DAPK1: variants seen among roughly 807,000 people sequenced by gnomAD.
DAPK1 encodes death associated protein kinase 1.
DAPK1 carries 56 observed loss-of-function variants against 144.9 expected under a neutral mutation model. The ratio of observed to expected loss-of-function variants is 0.39; its 90% CI spans 0.31 to 0.48. The LOEUF is 0.48. Among genes scored for constraint, DAPK1 ranks in the 20% least tolerant of loss-of-function variants. The probability of loss-of-function intolerance (pLI) is 0.95; values close to 1 mark genes in which losing one functional copy is unlikely to be tolerated. For synonymous variants in DAPK1, 690 were observed against 749.0 expected, an observed-to-expected ratio of 0.92 and a Z score of 1.29; for missense variants, 1,454 against 1,875.4, an observed-to-expected ratio of 0.78 and a Z score of 4.15.
intron 17 of DAPK1, among the ~76,000 whole-genome samples, chr9:87,652,624 C>T (rs553552426): frequency 7.1e-5 from 10 of 141,498 alleles, no homozygotes; most frequent in African/African-American, 2.7e-4. Flanking sequence ...GATTCTGTGT[C>T]CTCCCACCTG....
At chr9:87,618,014 T>C (rs61262631) in intron 3 of DAPK1, among the ~76,000 whole-genome samples, 9,542 of 152,262 alleles carry the variant, frequency 0.063, 417 homozygotes, top group East Asian at 0.12. Context: ...TTCTGAGTCT[T>C]CCCTTATTAC....
At chr9:87,637,357 G>A (rs1829936671) in intron 3 of DAPK1, among the ~76,000 whole-genome samples, 1 of 152,114 alleles carries the variant, frequency 6.6e-6, no homozygotes, top group African/African-American at 2.4e-5. Context: ...CTCCCAAAGT[G>A]CTGGGATTAC....
intron 3 of DAPK1, among the ~76,000 whole-genome samples, chr9:87,633,695 A>G (rs576521421): frequency 1.3e-5 from 2 of 152,254 alleles, no homozygotes; most frequent in South Asian, 4.1e-4. Flanking sequence ...CAAATACTGA[A>G]TAAGGCACGA....
intron 7 of DAPK1, 54 bp downstream of exon 7, chr9:87,639,869 T>A (rs1830036661): frequency 2.5e-6 from 4 of 1,584,708 alleles, no homozygotes; most frequent in Non-Finnish European, 3.5e-6. Flanking sequence ...AGACCATAGG[T>A]TTAATTAACC....
chr9:87,497,984 C>T lies in DAPK1; in HGVS notation c.-232C>T, dbSNP rs2117947110. 1 of 397,292 alleles carries T rather than the reference C, an allele frequency of 2.5e-6. No homozygotes were observed. 24.6% of individuals were successfully genotyped at this position (397,292 alleles called of 1,614,324 possible). On this transcript the variant is annotated 5_prime_UTR_variant, in exon 1 of 26. Transcript: ENST00000408954. ...TCTGGGGCCGGCGCCTGGGAGGGAT[C>T]TGCGCCCCCCACTCACTCCCTAGCT...
At chr9:87,643,629 C>G (rs1050143073) in intron 11 of DAPK1, among the ~76,000 whole-genome samples, 161 bp downstream of exon 11, 6 of 151,878 alleles carry the variant, frequency 4.0e-5, no homozygotes, top group Non-Finnish European at 8.8e-5. Context: ...ATTGATGCAC[C>G]CTCTTGCTTC....
intron 2 of DAPK1, among the ~76,000 whole-genome samples, chr9:87,580,790 C>G (rs965458738): frequency 1.3e-5 from 2 of 152,168 alleles, no homozygotes; most frequent in Non-Finnish European, 2.9e-5. Context: ...ATACGAGTCT[C>G]CCACATAGGA....
intron 2 of DAPK1, among the ~76,000 whole-genome samples, chr9:87,531,258 C>G (rs4878093): frequency 6.6e-6 from 1 of 152,050 alleles, no homozygotes; most frequent in African/African-American, 2.4e-5. Flanking sequence ...TATCCATACC[C>G]GATGTTCACT....
rs1207507873 is a variant in DAPK1, at chr9:87,638,001, G to A, written c.343G>A (p.Glu115Lys). ...LAEKESLTEE[E>K]ATEFLKQILN... is the part of the protein sequence containing the mutation. ...TGAAAAGGAATCTTTAACTGAAGAG[G>A]AAGCAACTGAATTTCTCAAACAAAT... The change falls in exon 4 of 26, where the codon GAA becomes AAA. Residue 115 changes from glutamate to lysine, a missense_variant. Glu to Lys is a moderately conservative substitution (Grantham distance 56). Around this residue, in one of 2 missense-constraint regions of DAPK1, gnomAD observed 429 missense variants for 637.5 expected, o/e 0.67. Coordinates refer to ENST00000408954, the MANE Select transcript of DAPK1 (RefSeq NM_004938.4). The A allele has an allele frequency of 1.2e-6, 2 of 1,614,138 alleles. No individual in the cohort carries two copies. The highest frequency in any genetic ancestry group is 2.2e-5 in the East Asian group (1 of 44,880).
chr9:87,706,589 G>T lies in DAPK1; in HGVS notation c.3518G>T (p.Gly1173Val), dbSNP rs1457526427. ...GCGGACATCCGCCTGTGGGTGAATG[G>T]CTGCAAGCTGGCCAACCGTGGGGCC... is the stretch of plus-strand genomic sequence containing the variant. Reference protein sequence around the residue: ...GDADIRLWVNGCKLANRGAEL... With the variant: ...GDADIRLWVNVCKLANRGAEL... The change falls in exon 26 of 26, where the codon GGC becomes GTC. Residue 1173 changes from glycine (G) to valine (V), a missense_variant. Physicochemically the swap from Gly to Val is moderately radical, Grantham distance 109. Around this residue, in one of 2 missense-constraint regions of DAPK1, gnomAD observed 1,025 missense variants for 1,237.9 expected, o/e 0.83. Transcript: ENST00000408954. The surrounding 1 kb of genome is among the most constrained non-coding windows in gnomAD (Gnocchi z 9.0). The T allele has an allele frequency of 4.3e-6, 7 of 1,613,772 alleles. No individual in the cohort carries two copies. In the South Asian group the frequency reaches 7.7e-5, roughly 18 times the overall value.
At chr9:87,568,934 A>G (rs1317513070) in intron 2 of DAPK1, among the ~76,000 whole-genome samples, 6 of 152,234 alleles carry the variant, frequency 3.9e-5, no homozygotes, top group South Asian at 2.1e-4. Context: ...ATACTGAGAA[A>G]GGAATTTTAG....
chr9:87,654,131 G>A (rs1338211893), intron 17 of DAPK1, among the ~76,000 whole-genome samples: 1 of 152,154 alleles, frequency 6.6e-6, no homozygotes, highest in African/African-American at 2.4e-5. Flanking sequence ...GAAAATAACT[G>A]TGCTTTTAGG....
chr9:87,521,168 G>A (rs924904894), intron 2 of DAPK1, among the ~76,000 whole-genome samples: 1 of 152,214 alleles, frequency 6.6e-6, no homozygotes, highest in Admixed American at 6.5e-5. Context: ...TAAGCTTTTG[G>A]TGTTGTTGCA....
chr9:87,697,772 G>A (rs987490343), intron 22 of DAPK1, among the ~76,000 whole-genome samples: 1 of 152,168 alleles, frequency 6.6e-6, no homozygotes, highest in African/African-American at 2.4e-5. Flanking sequence ...GGCCCACATG[G>A]CAAAACCTCA....
intron 2 of DAPK1, among the ~76,000 whole-genome samples, chr9:87,600,232 C>T (rs79841257): frequency 0.017 from 2,584 of 152,296 alleles, 81 homozygotes; most frequent in African/African-American, 0.059. Flanking sequence ...CAATTTTCCA[C>T]GATCCGTGCA....
chr9:87,553,061 A>C (rs546664419), intron 2 of DAPK1, among the ~76,000 whole-genome samples: 8 of 152,256 alleles, frequency 5.3e-5, no homozygotes, highest in African/African-American at 1.9e-4. Context: ...TTCTCCTCCT[A>C]GCCCCTGGCA....
intron 2 of DAPK1, among the ~76,000 whole-genome samples, chr9:87,547,424 C>G (rs575537236): frequency 4.2e-4 from 64 of 152,298 alleles, no homozygotes; most frequent in Non-Finnish European, 7.9e-4. Context: ...GTAGCCCCTA[C>G]CTACATGTAG....
At chr9:87,644,509 G>C (rs1830203814) in intron 11 of DAPK1, among the ~76,000 whole-genome samples, 1 of 151,922 alleles carries the variant, frequency 6.6e-6, no homozygotes, top group Non-Finnish European at 1.5e-5. Flanking sequence ...TTCACATCTA[G>C]CCTTGTGGAG....
rs1054437672 is a variant in DAPK1 at position 87,651,643 on chromosome 9, C to G, written c.1743C>G (p.Leu581=). ...DYQDRHGNTP[L]HVACKDGNMP... Reference sequence around the variant, plus strand: ...AAGACAGGCACGGCAATACTCCCCTCCATGTGGCATGTAAAGATGGCAACA... The same window carrying G: ...AAGACAGGCACGGCAATACTCCCCTGCATGTGGCATGTAAAGATGGCAACA... The change falls in exon 17 of 26, where the codon CTC becomes CTG. Residue 581 remains leucine, a synonymous_variant. Transcript: ENST00000408954. The G allele has an allele frequency of 3.1e-6, 5 of 1,614,188 alleles. No homozygotes were observed. Among genetic ancestry groups the G allele is most frequent in the Non-Finnish European group, 4.2e-6 (5 of 1,180,012 alleles).
Sources: gnomAD v4.1 joint callset for allele counts (sites outside exome capture counted in the v4.1 genomes callset) on GRCh38, gnomAD v4.1.1 for gene constraint, gnomAD v4.1.1 regional missense constraint, Gnocchi (gnomAD v3.1) non-coding constraint, MANE v1.5 for transcripts, NCBI Gene and HGNC (gene_info 2026-07-23, HGNC 2026-07-21) for gene names.